WDPCP: variants seen among roughly 807,000 people sequenced by gnomAD.
WDPCP encodes WD repeat-containing and planar cell polarity effector protein fritz homolog.
Under a neutral mutation model 93.1 loss-of-function variants are expected in WDPCP, and 71 were observed. The observed-to-expected ratio is 0.76, with a 90% confidence interval of 0.63 to 0.93. WDPCP has a LOEUF of 0.93. Ranked by LOEUF, WDPCP falls within the 40% of genes least tolerant of loss-of-function variation. The probability of loss-of-function intolerance (pLI) is 0.00; values close to 1 mark genes in which losing one functional copy is unlikely to be tolerated. For missense variants in WDPCP, 844 were observed against 887.4 expected, an observed-to-expected ratio of 0.95 and a Z score of 0.62; for synonymous variants, 315 against 315.0, an observed-to-expected ratio of 1.00 and a Z score of 0.00.
At chr2:63,535,200 T>C (rs375907667) in intron 1 of WDPCP, among the ~76,000 whole-genome samples, 2 of 151,920 alleles carry the variant, frequency 1.3e-5, no homozygotes, top group Non-Finnish European at 2.9e-5. Context: ...CACTGCTCAA[T>C]GAAATAAAAG....
At chr2:63,827,238 C>G (rs1671126538) in intron 1 of WDPCP, among the ~76,000 whole-genome samples, 1 of 152,142 alleles carries the variant, frequency 6.6e-6, no homozygotes, top group East Asian at 1.9e-4. Flanking sequence ...AGCCCTCCTT[C>G]TGACCCTGTG....
chr2:63,390,491 T>C (rs905390042), intron 10 of WDPCP, among the ~76,000 whole-genome samples: 3 of 151,690 alleles, frequency 2.0e-5, no homozygotes, highest in East Asian at 1.9e-4. Context: ...ATTAAAAGAA[T>C]AGAGAAGCAA....
At chr2:63,601,881 C>G (rs1709425025) in intron 3 of WDPCP, among the ~76,000 whole-genome samples, 1 of 152,146 alleles carries the variant, frequency 6.6e-6, no homozygotes, top group African/African-American at 2.4e-5. Context: ...TTTCTATATA[C>G]CATACCAGCT....
rs1014876109 is a variant in WDPCP, at chr2:63,192,056, C to T, written c.1916-17224G>A. 2.6e-5 allele frequency among the ~76,000 whole-genome samples: 4 copies of T among 152,268 alleles called. No individual in the cohort carries two copies. In the East Asian group the frequency reaches 7.7e-4, roughly 29 times the overall value. On this transcript the variant is annotated intron_variant, in intron 14 of 17. Coordinates refer to ENST00000272321, the MANE Select transcript of WDPCP (RefSeq NM_015910.7). ...ATGCAGAACAAAAGGAAAAGCTCTC[C>T]TTACCCCCCTTTAAATTTTTTCCTT...
At chr2:63,820,267 A>G (rs1179157627) in intron 1 of WDPCP, among the ~76,000 whole-genome samples, 7 of 152,114 alleles carry the variant, frequency 4.6e-5, no homozygotes, top group Non-Finnish European at 1.0e-4. Context: ...TAAATTTTAT[A>G]TTTATTTTCA....
intron 14 of WDPCP, among the ~76,000 whole-genome samples, chr2:63,188,005 T>C (rs1451990682): frequency 6.6e-6 from 1 of 152,210 alleles, no homozygotes; most frequent in Non-Finnish European, 1.5e-5. Context: ...TTTTAGCACT[T>C]TAATCATCCC....
At chr2:63,725,037 G>GC (rs1558895499) in intron 2 of WDPCP, among the ~76,000 whole-genome samples, 1 of 152,004 alleles carries the variant, frequency 6.6e-6, no homozygotes. Context: ...AAAGCAGCCA[G>GC]TTTTTTTTCT....
intron 14 of WDPCP, among the ~76,000 whole-genome samples, chr2:63,196,877 C>T (rs901228589): frequency 6.6e-6 from 1 of 152,164 alleles, no homozygotes; most frequent in Non-Finnish European, 1.5e-5. Context: ...AACAAATTGA[C>T]AGACAATCTG....
chr2:63,726,540 C>T (rs1339040643), intron 2 of WDPCP, among the ~76,000 whole-genome samples: 3 of 151,794 alleles, frequency 2.0e-5, no homozygotes, highest in South Asian at 2.1e-4. Context: ...TTTTTCATTC[C>T]GTATGATTTT....
intron 1 of WDPCP, among the ~76,000 whole-genome samples, chr2:63,576,451 T>C (rs573904234): frequency 6.6e-6 from 1 of 152,280 alleles, no homozygotes; most frequent in South Asian, 2.1e-4. Flanking sequence ...ATGGAAGAAA[T>C]GCATAAGGCA....
chr2:63,487,753 C>G (rs1195650893), intron 2 of WDPCP, among the ~76,000 whole-genome samples: 1 of 152,036 alleles, frequency 6.6e-6, no homozygotes, highest in African/African-American at 2.4e-5. Context: ...TAGTAAAGAA[C>G]TGAAATCAAG....
chr2:63,470,868 T>G (rs537477797), intron 6 of WDPCP, among the ~76,000 whole-genome samples: 4 of 152,168 alleles, frequency 2.6e-5, no homozygotes, highest in Non-Finnish European at 5.9e-5. Flanking sequence ...ACATGCCAGG[T>G]ATACTCCCAT....
At chr2:63,288,186 C>G (rs1427647464) in intron 13 of WDPCP, among the ~76,000 whole-genome samples, 1 of 152,172 alleles carries the variant, frequency 6.6e-6, no homozygotes. Context: ...CCAACTGGAC[C>G]TGCGCCAATG....
chr2:63,482,533 T>G (rs1250388891), intron 6 of WDPCP, among the ~76,000 whole-genome samples: 2 of 152,020 alleles, frequency 1.3e-5, no homozygotes, highest in African/African-American at 4.8e-5. Context: ...TTCATTCCCT[T>G]AAGCTAATAA....
chr2:63,183,752 C>T (rs1043395862), intron 14 of WDPCP, among the ~76,000 whole-genome samples: 1 of 152,000 alleles, frequency 6.6e-6, no homozygotes, highest in Admixed American at 6.6e-5. Context: ...TATTATATTG[C>T]TGTCTATCTC....
At chr2:63,318,132 G>A (rs6545989) in intron 12 of WDPCP, among the ~76,000 whole-genome samples, 121,909 of 152,178 alleles carry the variant, frequency 0.8, 49,691 homozygotes, top group East Asian at 0.96. Flanking sequence ...ACTTCTCAAA[G>A]TAAGACACTC....
At chr2:63,235,736 A>T (rs747491429) in intron 14 of WDPCP, among the ~76,000 whole-genome samples, 13 of 151,884 alleles carry the variant, frequency 8.6e-5, no homozygotes, top group Middle Eastern at 3.4e-3. Context: ...AAACAGAATT[A>T]AAAAAAAACC....
intron 1 of WDPCP, among the ~76,000 whole-genome samples, chr2:63,503,527 A>G (rs571138024): frequency 6.6e-6 from 1 of 152,048 alleles, no homozygotes; most frequent in East Asian, 1.9e-4. Context: ...ATCACCTCTC[A>G]CCACCTCCAC....
At chr2:63,368,297 A>AATTTATTTATTTATTT (rs201098167) in intron 12 of WDPCP, among the ~76,000 whole-genome samples, 4 of 147,050 alleles carry the variant, frequency 2.7e-5, no homozygotes, top group African/African-American at 5.0e-5. Context: ...GTTTATTTTT[A>AATTTATTTATTTATTT]ATTTATTTAT....
Sources: allele counts gnomAD v4.1 joint callset (sites outside exome capture counted in the v4.1 genomes callset), GRCh38; gene constraint gnomAD v4.1.1; transcripts MANE v1.5; gene names NCBI Gene and HGNC (gene_info 2026-07-23, HGNC 2026-07-21).